MASP1: variants seen among roughly 807,000 people sequenced by gnomAD.
The protein encoded by MASP1 is mannan-binding lectin serine protease 1.
A neutral mutation model predicts 77.1 loss-of-function variants in MASP1; 59 were observed. That is an observed-to-expected ratio of 0.77 (90% CI 0.62 to 0.95). The LOEUF is 0.95. MASP1 is among the 40% of genes least tolerant of loss of function. The probability of loss-of-function intolerance (pLI) is 0.00; values close to 1 mark genes in which losing one functional copy is unlikely to be tolerated. For synonymous variants in MASP1, 362 were observed against 354.5 expected, an observed-to-expected ratio of 1.02 and a Z score of -0.24; for missense variants, 885 against 912.9, an observed-to-expected ratio of 0.97 and a Z score of 0.39.
chr3:187,247,118 G>A, intron 8 of MASP1: 1 of 1,437,806 alleles, frequency 7.0e-7, no homozygotes, highest in Non-Finnish European at 9.1e-7. Flanking sequence ...TTCTGGAATA[G>A]TGTTTGAATG....
intron 2 of MASP1, among the ~76,000 whole-genome samples, chr3:187,267,952 CAT>C (rs1196140950): frequency 6.6e-6 from 1 of 152,222 alleles, no homozygotes; most frequent in Non-Finnish European, 1.5e-5. Context: ...TCACATTACT[CAT>C]AAAGACTTTG....
chr3:187,229,662 T>C (rs1579467859), downstream of MASP1: 5 of 1,469,192 alleles, frequency 3.4e-6, no homozygotes, highest in East Asian at 9.7e-5. Flanking sequence ...TGTGCCCTGA[T>C]GCTAGTGTGC....
At chr3:187,241,827 T>A (rs1713669608) in intron 9 of MASP1, 2 of 381,750 alleles carry the variant, frequency 5.2e-6, no homozygotes, top group African/African-American at 4.2e-5. Context: ...TCCTAGTCCT[T>A]CTATCAAACT....
At chr3:187,246,351 A>C in intron 8 of MASP1, 1 of 983,152 alleles carries the variant, frequency 1.0e-6, no homozygotes, top group Non-Finnish European at 1.2e-6. Flanking sequence ...GAATGCTGTT[A>C]ATACGTTGTA....
intron 2 of MASP1, among the ~76,000 whole-genome samples, chr3:187,271,453 G>A (rs1179402392): frequency 6.6e-6 from 1 of 152,072 alleles, no homozygotes; most frequent in African/African-American, 2.4e-5. Flanking sequence ...TAAATACAAG[G>A]CAGCCATTAA....
At chr3:187,262,490 C>T (rs925836296) in intron 3 of MASP1, 53 bp downstream of exon 3, 1 of 1,585,274 alleles carries the variant, frequency 6.3e-7, no homozygotes, top group Non-Finnish European at 8.7e-7. Context: ...AGGCAGTTTT[C>T]ATCTTCGGAG....
At chr3:187,275,397 A>T (rs1022180194) in intron 2 of MASP1, among the ~76,000 whole-genome samples, 2 of 152,076 alleles carry the variant, frequency 1.3e-5, no homozygotes, top group African/African-American at 2.4e-5. Flanking sequence ...TATATCCTCA[A>T]ATCTTTGCAC....
intron 2 of MASP1, among the ~76,000 whole-genome samples, chr3:187,274,595 T>TA (rs1716803164): frequency 6.6e-6 from 1 of 152,252 alleles, no homozygotes; most frequent in Non-Finnish European, 1.5e-5. Flanking sequence ...TACTGGGGCC[T>TA]AGGTGCACTG....
Position 187,221,021 on chromosome 3 carries a change from G to A in MASP1, c.1909+14C>T, listed in dbSNP as rs976377046. 5 of 1,609,542 alleles carry A rather than the reference G, an allele frequency of 3.1e-6. No individual in the cohort carries two copies. In the Admixed American group the frequency reaches 5.0e-5, roughly 16 times the overall value. On this transcript the variant is annotated intron_variant, in intron 15 of 15. Transcript: ENST00000337774. ...CTGGCAGCGCCCCTGTTGTATGCCA[G>A]CCTCTTAACCCACCTTCCTTCTCCC...
intron 4 of MASP1, among the ~76,000 whole-genome samples, chr3:187,258,468 T>G (rs7634304): frequency 0.26 from 40,066 of 152,108 alleles, 6,164 homozygotes; most frequent in Admixed American, 0.38. Flanking sequence ...ACCACTCTTA[T>G]GAATATTCAC....
intron 2 of MASP1, among the ~76,000 whole-genome samples, chr3:187,283,618 G>T (rs1015276614): frequency 2.6e-5 from 4 of 152,178 alleles, no homozygotes; most frequent in Non-Finnish European, 5.9e-5. Context: ...TATAATTTCT[G>T]TGATCTTGAG....
At chr3:187,246,434 A>G in intron 8 of MASP1, 1 of 985,438 alleles carries the variant, frequency 1.0e-6, no homozygotes, top group South Asian at 4.7e-5. Context: ...TGGTGTCTCT[A>G]GCCGAGAATG....
downstream of MASP1, among the ~76,000 whole-genome samples, chr3:187,229,210 A>G (rs143691480): frequency 6.6e-6 from 1 of 152,298 alleles, no homozygotes; most frequent in East Asian, 1.9e-4. Context: ...CAAAGGTGAC[A>G]GTCCTATTTC....
intron 8 of MASP1, among the ~76,000 whole-genome samples, chr3:187,248,559 C>T (rs1269592664): frequency 6.6e-6 from 1 of 152,182 alleles, no homozygotes; most frequent in Non-Finnish European, 1.5e-5. Flanking sequence ...TTTACCTTCT[C>T]CTTCAACATG....
Position 187,262,665 on chromosome 3 carries a change from GTGTC to G in MASP1, c.289_292del (p.Asp97GlnfsTer99). The G allele has an allele frequency of 6.2e-7, 1 of 1,614,158 alleles. No homozygotes were observed. The highest frequency in any genetic ancestry group is 8.5e-7 in the Non-Finnish European group (1 of 1,180,008). ...CACCTCCTGGCCGGGAGTCTGCTCT[GTGTC>G]TGTGGTCTCCCTGCCACAGAAGGTT... On this transcript the variant is annotated frameshift_variant, in exon 3 of 11. Transcript: ENST00000296280. LOFTEE classifies it high-confidence loss of function.
At chr3:187,262,989 T>C (rs941650943) in intron 2 of MASP1, 3 of 437,594 alleles carry the variant, frequency 6.9e-6, no homozygotes, top group Admixed American at 3.9e-5. Context: ...GCTTATTTAT[T>C]AAAAATAACT....
intron 2 of MASP1, 56 bp from the exon 3 acceptor site, chr3:187,262,776 T>C: frequency 1.3e-6 from 2 of 1,547,548 alleles, no homozygotes; most frequent in Non-Finnish European, 1.8e-6. Flanking sequence ...TAGGCTTCTT[T>C]CCTTATCTTT....
At chr3:187,284,017 C>G (rs772416990) in intron 2 of MASP1, among the ~76,000 whole-genome samples, 1 of 152,032 alleles carries the variant, frequency 6.6e-6, no homozygotes, top group Non-Finnish European at 1.5e-5. Context: ...CAGTGAAGAC[C>G]CCCCTGGTTG....
downstream of MASP1, chr3:187,229,930 A>G (rs1439443339): frequency 6.2e-7 from 1 of 1,613,368 alleles, no homozygotes; most frequent in South Asian, 1.1e-5. Context: ...GAGACAGATC[A>G]GACTCTGGGC....
Sources: allele counts gnomAD v4.1 joint callset (sites outside exome capture counted in the v4.1 genomes callset), GRCh38; gene constraint gnomAD v4.1.1; transcripts MANE v1.5; gene names NCBI Gene and HGNC (gene_info 2026-07-23, HGNC 2026-07-21).